VPS33A: variants seen among roughly 807,000 people sequenced by gnomAD.
VPS33A encodes vacuolar protein sorting-associated protein 33A.
A neutral mutation model predicts 71.8 loss-of-function variants in VPS33A; 32 were observed. That is an observed-to-expected ratio of 0.45 (90% confidence interval 0.34 to 0.60). The LOEUF (loss-of-function observed/expected upper bound fraction) is 0.60. Among genes scored for constraint, VPS33A ranks in the 20% least tolerant of loss-of-function variants. The pLI, the probability that VPS33A is intolerant of heterozygous loss-of-function variation, is 0.02. For missense variants in VPS33A, 625 were observed against 748.5 expected (o/e 0.84, Z 1.92); for synonymous variants, 311 against 292.7 (o/e 1.06, Z -0.64).
intron 10 of VPS33A, among the ~76,000 whole-genome samples, chr12:122,236,463 A>AATTC (rs1435840032): frequency 6.6e-6 from 1 of 152,100 alleles, no homozygotes. Flanking sequence ...AACATGGTGA[A>AATTC]ACCCTGTCTC....
chr12:122,244,274 T>C lies in VPS33A; in HGVS notation c.969+295A>G, dbSNP rs565956434. ...ACAGATGGCTTCCTCTTAGGCAAGG[T>C]AGGAAATAATTTAAGACGATAAAGC... On this transcript the variant is annotated intron_variant, in intron 7 of 12. Coordinates refer to ENST00000267199, the MANE Select transcript of VPS33A (RefSeq NM_022916.6). Among the ~76,000 whole-genome samples the C allele has an allele frequency of 7.2e-5, 11 of 152,258 alleles. 1 individual carries two copies. In the South Asian group the frequency reaches 1.9e-3, roughly 26 times the overall value.
At position 122,251,079 on chromosome 12, in the gene VPS33A, G is replaced by A; in HGVS notation, c.504C>T (p.Asp168=). The change falls in exon 5 of 13, where the codon GAC becomes GAT. Residue 168 remains aspartate (D), a synonymous_variant. Transcript: ENST00000267199. ...TGGCTGCGTGGTACAGGCTCGTCTGGTCACCCTCCAGGTAGCACTCCTGTG... is the reference window on the plus strand; with the variant it reads ...TGGCTGCGTGGTACAGGCTCGTCTGATCACCCTCCAGGTAGCACTCCTGTG... ...GAFKECYLEG[D]QTSLYHAAKG... The A allele has an allele frequency of 6.2e-7, 1 of 1,613,872 alleles. No homozygotes were observed. The highest frequency in any genetic ancestry group is 8.5e-7 in the Non-Finnish European group (1 of 1,179,782).
chr12:122,255,681 TG>T (rs2136144479), intron 4 of VPS33A, among the ~76,000 whole-genome samples: 1 of 109,784 alleles, frequency 9.1e-6, no homozygotes, highest in South Asian at 3.2e-4. Flanking sequence ...CACTCCAGCC[TG>T]GGGAACAAGA....
chr12:122,245,211 T>C (rs1210715615), intron 6 of VPS33A, among the ~76,000 whole-genome samples: 1 of 151,842 alleles, frequency 6.6e-6, no homozygotes, highest in Admixed American at 6.6e-5. Flanking sequence ...GAGTAGAAAA[T>C]ACAAAAGCTT....
intron 11 of VPS33A, among the ~76,000 whole-genome samples, chr12:122,235,053 G>T (rs1593193256): frequency 6.6e-6 from 1 of 151,936 alleles, no homozygotes; most frequent in Non-Finnish European, 1.5e-5. Context: ...CACAAACATG[G>T]TTCACTGCAA....
rs115551893 is a variant in VPS33A at position 122,266,183 on chromosome 12, T to C, written c.102+124A>G. 4.3e-3 allele frequency: 6,057 copies of C among 1,410,922 alleles called. 219 individuals are homozygous for C. The African/African-American group carries it at 0.079, about 18-fold the overall frequency. 87.4% of individuals were successfully genotyped at this position (1,410,922 alleles called of 1,614,324 possible). A position where few individuals can be genotyped will look rare whatever the true frequency, so the allele number is the denominator to read the frequency against. On this transcript the variant is annotated intron_variant, in intron 1 of 12. Transcript: ENST00000267199. ...CACAGGGGTGCAGGTAAAAGGGCCC[T>C]GAGGCTCGCCTCCTTGGAAGCCCCA...
chr12:122,250,938 G>A, intron 5 of VPS33A, 45 bp downstream of exon 5: 1 of 1,415,806 alleles, frequency 7.1e-7, no homozygotes, highest in Admixed American at 1.8e-5. Flanking sequence ...CCCTTTTGGG[G>A]TGTGAAGGGC....
Position 122,230,988 on chromosome 12 carries a change from C to T in VPS33A, c.*1258G>A, listed in dbSNP as rs3809116. ...CTGAAACAGTGTTTTCAGCTGAGTA[C>T]GGAGTGGCCACAGACTGCTAGAAAA... On this transcript the variant is annotated 3_prime_UTR_variant, in exon 13 of 13. Coordinates refer to ENST00000267199, the MANE Select transcript of VPS33A (RefSeq NM_022916.6). The T allele has an allele frequency of 0.23, 34,994 of 152,096 alleles. 4,966 individuals are homozygous for T. Among genetic ancestry groups the T allele is most frequent in the East Asian group, 0.62 (3,206 of 5,170 alleles). The allele number at this position is 152,096 out of a possible 1,614,324, so 9.4% of individuals were successfully genotyped here. A position where few individuals can be genotyped will look rare whatever the true frequency, so the allele number is the denominator to read the frequency against.
intron 6 of VPS33A, chr12:122,248,368 T>A (rs7972228): frequency 0.47 from 71,396 of 151,812 alleles, 19,569 homozygotes; most frequent in African/African-American, 0.76. Context: ...CTCTAGACAC[T>A]CTGGGTCCTG....
At chr12:122,246,718 G>A (rs1056900836) in intron 6 of VPS33A, among the ~76,000 whole-genome samples, 1 of 152,000 alleles carries the variant, frequency 6.6e-6, no homozygotes, top group African/African-American at 2.4e-5. Flanking sequence ...TCCTGCCTCA[G>A]CCTCCCAAGT....
chr12:122,259,282 T>C (rs12833379), intron 4 of VPS33A, among the ~76,000 whole-genome samples: 71,500 of 151,748 alleles, frequency 0.47, 19,689 homozygotes, highest in African/African-American at 0.76. Flanking sequence ...TGCAATGGCG[T>C]GATCTCAGCT....
At chr12:122,237,814 CTATTAT>C (rs1954651125) in intron 10 of VPS33A, among the ~76,000 whole-genome samples, 3 of 151,056 alleles carry the variant, frequency 2.0e-5, no homozygotes, top group Admixed American at 6.6e-5. Context: ...GAAATGTTAC[CTATTAT>C]TATTATTTTT....
In VPS33A at chr12:122,238,768, C is replaced by CAT. The variant is rs768701905; in HGVS notation, c.1165-46_1165-45dup. 689 of 1,223,010 alleles carry CAT rather than the reference C, an allele frequency of 5.6e-4. 1 individual carries two copies. Among genetic ancestry groups the CAT allele is most frequent in the Non-Finnish European group, 5.8e-4 (491 of 848,196 alleles). The allele number at this position is 1,223,010 out of a possible 1,614,324, so 75.8% of individuals were successfully genotyped here. ...ACATATACATATACATTTACATATA[C>CAT]ATACACACACACACACACACACACA... On this transcript the variant is annotated intron_variant, in intron 9 of 12. Coordinates refer to ENST00000267199, the MANE Select transcript of VPS33A (RefSeq NM_022916.6).
At chr12:122,248,062 G>C (rs977858718) in intron 6 of VPS33A, 15 of 149,432 alleles carry the variant, frequency 1.0e-4, no homozygotes, top group Admixed American at 2.7e-4. Flanking sequence ...AAATCCAGCT[G>C]TGTGTGTGTG....
At chr12:122,255,131 G>A (rs572607823) in intron 4 of VPS33A, among the ~76,000 whole-genome samples, 2 of 151,698 alleles carry the variant, frequency 1.3e-5, no homozygotes, top group African/African-American at 4.8e-5. Flanking sequence ...TTTCTCCTCT[G>A]CACAGATTTT....
intron 2 of VPS33A, among the ~76,000 whole-genome samples, 170 bp downstream of exon 2, chr12:122,263,964 T>C (rs186318687): frequency 9.8e-5 from 15 of 152,336 alleles, no homozygotes; most frequent in Admixed American, 7.2e-4. Flanking sequence ...AGAATCAGTA[T>C]AGAATCACTG....
intron 4 of VPS33A, among the ~76,000 whole-genome samples, chr12:122,260,310 G>GT (rs1318063867): frequency 6.8e-6 from 1 of 147,244 alleles, no homozygotes; most frequent in Non-Finnish European, 1.5e-5. Flanking sequence ...TTTGTTTTTT[G>GT]TTTTTTTGAG....
intron 4 of VPS33A, among the ~76,000 whole-genome samples, chr12:122,258,842 G>C (rs575841092): frequency 6.6e-6 from 1 of 151,816 alleles, no homozygotes; most frequent in Admixed American, 6.6e-5. Context: ...CTAGCCAGGC[G>C]TGGTGGTGCA....
chr12:122,233,092 C>A (rs1468338249), intron 11 of VPS33A, 124 bp from the exon 12 acceptor site: 1 of 1,095,210 alleles, frequency 9.1e-7, no homozygotes, highest in African/African-American at 1.6e-5. Flanking sequence ...CCCACCCCTG[C>A]CATGCCTTGT....
Sources: allele counts gnomAD v4.1 joint callset (sites outside exome capture counted in the v4.1 genomes callset), GRCh38; gene constraint gnomAD v4.1.1; transcripts MANE v1.5; gene names NCBI Gene and HGNC (gene_info 2026-07-23, HGNC 2026-07-21).